HAUS8: variants seen among roughly 807,000 people sequenced by gnomAD.
The protein encoded by HAUS8 is HAUS augmin like complex subunit 8.
In HAUS8, 38 loss-of-function variants were observed where a neutral mutation model predicts 42.9. That is an observed-to-expected ratio of 0.89 (90% CI 0.68 to 1.16). The LOEUF is 1.16. Among genes scored for constraint, HAUS8 ranks in the 50% most tolerant of loss-of-function variants. The pLI, the probability that HAUS8 is intolerant of heterozygous loss-of-function variation, is 0.00. For missense variants in HAUS8, 494 were observed against 511.6 expected (o/e 0.97, Z 0.33); for synonymous variants, 199 against 205.8 (o/e 0.97, Z 0.28).
rs750308087 is a variant in HAUS8 at position 17,073,332 on chromosome 19, C to T, written c.33G>A (p.Lys11=). ...TAGAATTTGTGGGGCCGGTTGCAGG[C>T]TTCCTGCAAGAGAAGAGAGAGAGGT... MADSSGRGAG[K]PATGPTNSSS... The change falls in exon 2 of 11, where the codon AAG becomes AAA. Residue 11 remains lysine, a synonymous_variant. Transcript: ENST00000253669. 18 of 1,613,698 alleles carry T rather than the reference C, an allele frequency of 1.1e-5. No individual in the cohort carries two copies. Among genetic ancestry groups the T allele is most frequent in the South Asian group, 7.7e-5 (7 of 91,084 alleles).
chr19:17,071,679 G>GA (rs1568643033), intron 2 of HAUS8, among the ~76,000 whole-genome samples: 1 of 152,164 alleles, frequency 6.6e-6, no homozygotes, highest in African/African-American at 2.4e-5. Context: ...CAAGTTTCCT[G>GA]AAAACTAGGA....
At chr19:17,072,888 G>A (rs1487244953) in intron 2 of HAUS8, among the ~76,000 whole-genome samples, 1 of 150,516 alleles carries the variant, frequency 6.6e-6, no homozygotes, top group African/African-American at 2.4e-5. Context: ...GGCAGAGGCG[G>A]GAGGATCACT....
chr19:17,073,600 T>A (rs1442781789), intron 1 of HAUS8: 2 of 498,418 alleles, frequency 4.0e-6, no homozygotes, highest in Non-Finnish European at 7.3e-6. Flanking sequence ...TCACAGCAGA[T>A]CTCAAATTAT....
Position 17,058,838 on chromosome 19 carries a change from T to C in HAUS8, c.459A>G (p.Thr153=). ...SEAMEMMESQ[T]LLLTLLSVKM... ...TTACGGATAGTAGCGTCAGCAGTAG[T>C]GTCTGAGACTCCATCATTTCCATTG... is the stretch of plus-strand genomic sequence containing the variant. The change falls in exon 7 of 11, where the codon ACA becomes ACG. Residue 153 remains threonine, a synonymous_variant. Coordinates refer to ENST00000253669, the MANE Select transcript of HAUS8 (RefSeq NM_033417.2). 6.2e-7 allele frequency: 1 copy of C among 1,613,478 alleles called. No homozygotes were observed. Among genetic ancestry groups the C allele is most frequent in the African/African-American group, 1.3e-5 (1 of 75,032 alleles).
intron 4 of HAUS8, 41 bp from the exon 5 acceptor site, chr19:17,060,133 G>T: frequency 7.3e-7 from 1 of 1,370,854 alleles, no homozygotes; most frequent in Non-Finnish European, 1.0e-6. Context: ...ACAGTCAAGA[G>T]ACACTCTCCA....
At chr19:17,072,339 T>A (rs1049779805) in intron 2 of HAUS8, among the ~76,000 whole-genome samples, 1 of 28,332 alleles carries the variant, frequency 3.5e-5, no homozygotes, top group African/African-American at 3.2e-4. Flanking sequence ...GAGCATTTCC[T>A]TTTTTTTTTT....
chr19:17,050,471 C>T (rs2057280718), intron 10 of HAUS8, among the ~76,000 whole-genome samples: 1 of 152,052 alleles, frequency 6.6e-6, no homozygotes, highest in Non-Finnish European at 1.5e-5. Flanking sequence ...AAAATTAATC[C>T]CCTGGCCAGG....
chr19:17,049,902 G>A lies in HAUS8; in HGVS notation c.1204C>T (p.Leu402Phe), dbSNP rs771209070. 3.3e-6 allele frequency: 5 copies of A among 1,506,962 alleles called. No individual in the cohort carries two copies. Among genetic ancestry groups the A allele is most frequent in the Non-Finnish European group, 4.4e-6 (5 of 1,126,848 alleles). The allele number at this position is 1,506,962 out of a possible 1,614,324, so 93.3% of individuals were successfully genotyped here. A position where few individuals can be genotyped will look rare whatever the true frequency, so the allele number is the denominator to read the frequency against. The change falls in exon 11 of 11, where the codon CTC (leucine) becomes TTC (phenylalanine). Residue 402 changes from leucine (L) to phenylalanine (F), a missense_variant. Coordinates refer to ENST00000253669, the MANE Select transcript of HAUS8 (RefSeq NM_033417.2). ...GACAAGTCCCTCCCTGAACGAGAGA[G>A]AGAGGGCGGGACTTCTGCCTGGCTG... ...SSSQAEVPPS[L>F]SRSGRDLS is the part of the protein sequence containing the mutation.
At chr19:17,055,781 G>A in intron 9 of HAUS8, 80 bp downstream of exon 9, 1 of 1,441,860 alleles carries the variant, frequency 6.9e-7, no homozygotes. Context: ...TTGCGGTGAT[G>A]ACATCAGGCC....
rs143000757 is a variant in HAUS8, at chr19:17,051,467, T to C, written c.930-1291A>G. On this transcript the variant is annotated intron_variant, in intron 10 of 10. Coordinates refer to ENST00000253669, the MANE Select transcript of HAUS8 (RefSeq NM_033417.2). Reference sequence around the variant, plus strand: ...AGGATATGTGCTCTGTGCAAGCCACTGCACAGTCCTTTAAGATCTGGGCCA... The same window carrying C: ...AGGATATGTGCTCTGTGCAAGCCACCGCACAGTCCTTTAAGATCTGGGCCA... Among the ~76,000 whole-genome samples, 300 of 152,040 alleles carry C rather than the reference T, an allele frequency of 2.0e-3. 2 individuals are homozygous for C. Among genetic ancestry groups the C allele is most frequent in the African/African-American group, 7.0e-3 (289 of 41,466 alleles).
chr19:17,069,787 A>T lies in HAUS8; in HGVS notation c.92-701T>A, dbSNP rs190510667. On this transcript the variant is annotated intron_variant, in intron 2 of 10. Transcript: ENST00000253669. ...AACTGTTCCTCCCACCTCCTACGCC[A>T]GGCCCAACCCTTGGTCTCAGCAGGT... 3.1e-4 allele frequency among the ~76,000 whole-genome samples: 47 copies of T among 151,872 alleles called. No individual in the cohort carries two copies. The East Asian group carries it at 5.6e-3, about 18-fold the overall frequency.
At chr19:17,067,546 T>C (rs2057394222) in intron 3 of HAUS8, among the ~76,000 whole-genome samples, 1 of 152,138 alleles carries the variant, frequency 6.6e-6, no homozygotes, top group Admixed American at 6.6e-5. Context: ...AATGACACCC[T>C]GATTTTTAAA....
rs1282749233 is a variant in HAUS8 at position 17,055,838 on chromosome 19, C to T, written c.787+23G>A. 5.0e-6 allele frequency: 8 copies of T among 1,608,030 alleles called. No individual in the cohort carries two copies. The Admixed American group carries it at 1.2e-4, about 24-fold the overall frequency. Reference sequence around the variant, plus strand: ...CTCCTCGCCCCGCCTGCTGCACACGCACTGGGACGCCCCGTTTCCTACCTA... The same window carrying T: ...CTCCTCGCCCCGCCTGCTGCACACGTACTGGGACGCCCCGTTTCCTACCTA... On this transcript the variant is annotated intron_variant, in intron 9 of 10. Coordinates refer to ENST00000253669, the MANE Select transcript of HAUS8 (RefSeq NM_033417.2).
At chr19:17,057,304 A>G (rs1196555225) in intron 8 of HAUS8, among the ~76,000 whole-genome samples, 1 of 152,006 alleles carries the variant, frequency 6.6e-6, no homozygotes, top group Non-Finnish European at 1.5e-5. Flanking sequence ...GAGCTGAGAC[A>G]GCACCACTGC....
chr19:17,055,226 G>C (rs1234983533), intron 9 of HAUS8: 2 of 100,874 alleles, frequency 2.0e-5, no homozygotes, highest in Non-Finnish European at 3.7e-5. Context: ...TGTACTCCTA[G>C]CTACTCAGGA....
intron 3 of HAUS8, among the ~76,000 whole-genome samples, chr19:17,066,915 A>G (rs1284756588): frequency 1.3e-5 from 2 of 152,224 alleles, no homozygotes; most frequent in Admixed American, 1.3e-4. Flanking sequence ...GGCCATAAGA[A>G]GGAACCAGGC....
intron 10 of HAUS8, chr19:17,052,265 G>GC (rs2057292154): frequency 6.6e-6 from 1 of 152,268 alleles, no homozygotes; most frequent in South Asian, 2.1e-4. Context: ...ACTGCGCCTG[G>GC]CCCTTCCATG....
chr19:17,072,283 T>C (rs1057448962), intron 2 of HAUS8, among the ~76,000 whole-genome samples: 7 of 151,066 alleles, frequency 4.6e-5, no homozygotes, highest in African/African-American at 1.5e-4. Flanking sequence ...CATTGTATCA[T>C]AGTCTTGGCC....
intron 8 of HAUS8, among the ~76,000 whole-genome samples, chr19:17,057,448 A>C (rs2057333323): frequency 6.6e-6 from 1 of 152,108 alleles, no homozygotes; most frequent in Non-Finnish European, 1.5e-5. Flanking sequence ...ACTTTTTCTT[A>C]ATTTTTTCAG....
Sources: allele counts gnomAD v4.1 joint callset (sites outside exome capture counted in the v4.1 genomes callset), GRCh38; gene constraint gnomAD v4.1.1; transcripts MANE v1.5; gene names NCBI Gene and HGNC (gene_info 2026-07-23, HGNC 2026-07-21).